TMEM108: variants seen among roughly 807,000 people sequenced by gnomAD.
TMEM108 encodes the protein transmembrane protein 108.
A neutral mutation model predicts 35.1 loss-of-function variants in TMEM108; 12 were observed. The ratio of observed to expected loss-of-function variants is 0.34; its 90% CI spans 0.22 to 0.55. The LOEUF (loss-of-function observed/expected upper bound fraction) is 0.55. Ranked by LOEUF, TMEM108 falls within the 20% of genes least tolerant of loss-of-function variation. The pLI, the probability that TMEM108 is intolerant of heterozygous loss-of-function variation, is 0.89. For missense variants in TMEM108, 680 were observed against 753.3 expected, an observed-to-expected ratio of 0.90 and a Z score of 1.14; for synonymous variants, 287 against 308.6, an observed-to-expected ratio of 0.93 and a Z score of 0.73.
chr3:133,384,293 C>G (rs548577342), intron 4 of TMEM108, among the ~76,000 whole-genome samples: 1 of 121,380 alleles, frequency 8.2e-6, no homozygotes, highest in South Asian at 3.0e-4. Flanking sequence ...CATACCAGCA[C>G]TGGCCCCTAC....
chr3:133,378,843 C>T (rs1053765423), intron 3 of TMEM108, among the ~76,000 whole-genome samples: 3 of 138,528 alleles, frequency 2.2e-5, no homozygotes, highest in East Asian at 4.2e-4. Flanking sequence ...AGGGCTCCTT[C>T]TACTCAAAAA....
intron 2 of TMEM108, among the ~76,000 whole-genome samples, chr3:133,059,046 T>C (rs904036348): frequency 2.8e-4 from 43 of 152,310 alleles, no homozygotes; most frequent in African/African-American, 9.9e-4. Context: ...CCCTTCCGGG[T>C]TGCAGACTGC....
At chr3:133,047,979 G>A (rs912303620) in intron 2 of TMEM108, among the ~76,000 whole-genome samples, 3 of 152,172 alleles carry the variant, frequency 2.0e-5, no homozygotes, top group African/African-American at 4.8e-5. Context: ...GAAGAAGGGC[G>A]AAGGTCTGTG....
intron 3 of TMEM108, among the ~76,000 whole-genome samples, chr3:133,358,163 T>C (rs2072230207): frequency 1.1e-5 from 1 of 93,158 alleles, no homozygotes; most frequent in Middle Eastern, 6.2e-3. Context: ...TTAAGGAGTC[T>C]ATGGTCTTTT....
At chr3:133,061,414 C>T (rs1051398328) in intron 2 of TMEM108, among the ~76,000 whole-genome samples, 10 of 152,022 alleles carry the variant, frequency 6.6e-5, no homozygotes, top group Admixed American at 2.0e-4. Flanking sequence ...GGGGTTTCAC[C>T]GTGTTAGCCA....
intron 2 of TMEM108, among the ~76,000 whole-genome samples, chr3:133,108,723 A>C (rs1944189148): frequency 1.3e-5 from 2 of 151,888 alleles, no homozygotes; most frequent in South Asian, 4.2e-4. Context: ...CATTCTCAGC[A>C]AACTATCGCA....
intron 2 of TMEM108, among the ~76,000 whole-genome samples, chr3:133,083,924 T>C (rs1272127719): frequency 1.3e-5 from 2 of 152,104 alleles, no homozygotes; most frequent in African/African-American, 2.4e-5. Context: ...TCATATTCCC[T>C]TAGTGTTCAT....
At chr3:133,263,557 T>C (rs1297239526) in intron 3 of TMEM108, among the ~76,000 whole-genome samples, 1 of 152,182 alleles carries the variant, frequency 6.6e-6, no homozygotes, top group Non-Finnish European at 1.5e-5. Flanking sequence ...TACTTAGAGA[T>C]TCTAATAACA....
At chr3:133,334,945 G>A (rs980027871) in intron 3 of TMEM108, among the ~76,000 whole-genome samples, 2 of 152,118 alleles carry the variant, frequency 1.3e-5, no homozygotes, top group Non-Finnish European at 2.9e-5. Flanking sequence ...GAATGGGTAA[G>A]CCCTTTATCA....
intron 2 of TMEM108, among the ~76,000 whole-genome samples, chr3:133,088,094 A>T (rs1943905268): frequency 6.6e-6 from 1 of 152,172 alleles, no homozygotes; most frequent in South Asian, 2.1e-4. Context: ...TTAGCCTGTT[A>T]TAGGCCTTTG....
intron 2 of TMEM108, among the ~76,000 whole-genome samples, chr3:133,218,370 TTTCCAG>T (rs1217146688): frequency 6.6e-6 from 1 of 152,040 alleles, no homozygotes; most frequent in Non-Finnish European, 1.5e-5. Flanking sequence ...AATTTTTTTC[TTTCCAG>T]TTTGGATGCC....
chr3:133,269,211 T>A (rs1221410304), intron 3 of TMEM108, among the ~76,000 whole-genome samples: 1 of 152,164 alleles, frequency 6.6e-6, no homozygotes, highest in Non-Finnish European at 1.5e-5. Context: ...ATGAATATGC[T>A]GCTAGTTCTG....
chr3:133,149,121 G>A (rs1460115292), intron 2 of TMEM108, among the ~76,000 whole-genome samples: 1 of 152,146 alleles, frequency 6.6e-6, no homozygotes, highest in East Asian at 1.9e-4. Context: ...ATAAAAGAAT[G>A]ACCAATAGGA....
intron 2 of TMEM108, among the ~76,000 whole-genome samples, chr3:133,134,436 C>G (rs911095903): frequency 3.9e-5 from 6 of 152,018 alleles, no homozygotes; most frequent in African/African-American, 1.5e-4. Context: ...GTCTATTTCT[C>G]TTAATTGCCA....
At chr3:133,283,928 A>G (rs1353132259) in intron 3 of TMEM108, among the ~76,000 whole-genome samples, 2 of 152,206 alleles carry the variant, frequency 1.3e-5, no homozygotes, top group African/African-American at 2.4e-5. Context: ...CTTGTGCAGA[A>G]TGTTTCCAGG....
intron 2 of TMEM108, among the ~76,000 whole-genome samples, chr3:133,166,948 G>T (rs191143025): frequency 1.1e-4 from 17 of 152,280 alleles, no homozygotes; most frequent in African/African-American, 3.6e-4. Flanking sequence ...TGATTGGTCC[G>T]TTTGGACAGG....
At chr3:133,183,727 A>G (rs1009908946) in intron 2 of TMEM108, among the ~76,000 whole-genome samples, 1 of 152,154 alleles carries the variant, frequency 6.6e-6, no homozygotes, top group Non-Finnish European at 1.5e-5. Flanking sequence ...GTGGGCAGGA[A>G]CCTGTGCAAG....
chr3:133,300,640 A>G (rs1308340514), intron 3 of TMEM108, among the ~76,000 whole-genome samples: 1 of 152,106 alleles, frequency 6.6e-6, no homozygotes, highest in Non-Finnish European at 1.5e-5. Context: ...TGGGTAAGGC[A>G]GGGTAACCAT....
chr3:133,058,826 ATTC>A (rs1943504168), intron 2 of TMEM108, among the ~76,000 whole-genome samples: 1 of 152,192 alleles, frequency 6.6e-6, no homozygotes, highest in African/African-American at 2.4e-5. Context: ...CTTCTCTTGT[ATTC>A]TTTGTGTTGC....
Sources: allele counts gnomAD v4.1 joint callset (sites outside exome capture counted in the v4.1 genomes callset), GRCh38; gene constraint gnomAD v4.1.1; transcripts MANE v1.5; gene names NCBI Gene and HGNC (gene_info 2026-07-23, HGNC 2026-07-21).